Variants in PRKACA observed in about 807,000 individuals in gnomAD.
The protein encoded by PRKACA is protein kinase cAMP-activated catalytic subunit alpha, also known as cAMP-dependent protein kinase catalytic subunit alpha.
PRKACA carries 9 observed loss-of-function variants against 45.8 expected under a neutral mutation model. The ratio of observed to expected loss-of-function variants is 0.20; its 90% CI spans 0.12 to 0.34. PRKACA has a LOEUF of 0.34. Ranked by LOEUF, PRKACA falls within the 10% of genes least tolerant of loss-of-function variation. The pLI is 1.00. For synonymous variants in PRKACA, 160 were observed against 178.6 expected (o/e 0.90, Z 0.83); for missense variants, 238 against 458.6 (o/e 0.52, Z 4.39).
intron 8 of PRKACA, among the ~76,000 whole-genome samples, chr19:14,096,032 G>GTTTTT (rs60082323): frequency 1.8e-4 from 17 of 92,584 alleles, no homozygotes; most frequent in Non-Finnish European, 2.5e-4. Context: ...CTAATTTTTA[G>GTTTTT]TTTTTTTTTT....
rs537245573 is a variant in PRKACA at position 14,096,931 on chromosome 19, A to G, written c.765+430T>C. 4.1e-5 allele frequency: 12 copies of G among 294,544 alleles called. No individual in the cohort carries two copies. The East Asian group carries it at 5.5e-4, about 14-fold the overall frequency. The allele number at this position is 294,544 out of a possible 1,614,324, so 18.2% of individuals were successfully genotyped here. ...AGAGTTAGGCAAGTCTGGGTTTGGG[A>G]GAGGAAGCATGGGCTATAAATGCTA... is the stretch of plus-strand genomic sequence containing the variant. On this transcript the variant is annotated intron_variant, in intron 8 of 9. Coordinates refer to ENST00000308677, the MANE Select transcript of PRKACA (RefSeq NM_002730.4).
chr19:14,111,096 G>A (rs1374707620), intron 1 of PRKACA, among the ~76,000 whole-genome samples: 1 of 152,230 alleles, frequency 6.6e-6, no homozygotes, highest in African/African-American at 2.4e-5. Flanking sequence ...CCCTCATGGA[G>A]CTAGAAAGTG....
intron 5 of PRKACA, among the ~76,000 whole-genome samples, chr19:14,099,589 C>CT (rs1201287283): frequency 0.012 from 1,583 of 132,592 alleles, 37 homozygotes; most frequent in Admixed American, 0.063. Context: ...CCACACCTGA[C>CT]TTTTTTTTTT....
At chr19:14,100,703 G>T in intron 5 of PRKACA, 123 bp downstream of exon 5, 2 of 912,884 alleles carry the variant, frequency 2.2e-6, no homozygotes, top group Non-Finnish European at 3.5e-6. Flanking sequence ...AACCCACAGG[G>T]TCTGGGAGAC....
intron 2 of PRKACA, 23 bp from the exon 3 acceptor site, chr19:14,106,911 G>C: frequency 6.2e-7 from 1 of 1,613,664 alleles, no homozygotes; most frequent in African/African-American, 1.3e-5. Context: ...GGGTCGGTAG[G>C]CTCAGGGCAC....
At position 14,093,812 on chromosome 19, in the gene PRKACA, G is replaced by T; in HGVS notation, c.766-20C>A. The T allele has an allele frequency of 1.2e-6, 2 of 1,602,482 alleles. No homozygotes were observed. The highest frequency in any genetic ancestry group is 1.7e-6 in the Non-Finnish European group (2 of 1,174,640). ...GCGCACCTGGAGGAAGGGGTACAAGGACAGGGTGGGAAGCTGGTCTGGAAC... is the reference window on the plus strand; with the variant it reads ...GCGCACCTGGAGGAAGGGGTACAAGTACAGGGTGGGAAGCTGGTCTGGAAC... On this transcript the variant is annotated intron_variant, in intron 8 of 9. Coordinates refer to ENST00000308677, the MANE Select transcript of PRKACA (RefSeq NM_002730.4).
chr19:14,107,306 A>C (rs1215485069), intron 2 of PRKACA, 42 bp downstream of exon 2: 1 of 1,578,806 alleles, frequency 6.3e-7, no homozygotes, highest in Admixed American at 1.7e-5. Flanking sequence ...GCTGGGGGTT[A>C]GCAGCTCACC....
chr19:14,092,468 C>G lies in PRKACA; in HGVS notation c.*644G>C, dbSNP rs1977106819. ...CTCCCTTTCCAAAGTCAGTCTGCTTCTCTTTAAAATGGATTTGAGGAATGG... is the reference window on the plus strand; with the variant it reads ...CTCCCTTTCCAAAGTCAGTCTGCTTGTCTTTAAAATGGATTTGAGGAATGG... On this transcript the variant is annotated 3_prime_UTR_variant, in exon 10 of 10. Transcript: ENST00000308677. 5.1e-6 allele frequency: 2 copies of G among 393,626 alleles called. No individual in the cohort carries two copies. The highest frequency in any genetic ancestry group is 8.9e-6 in the Non-Finnish European group (2 of 224,104). 24.4% of individuals were successfully genotyped at this position (393,626 alleles called of 1,614,324 possible).
chr19:14,093,041 A>ACGCCCC lies in PRKACA; in HGVS notation c.*70_*71insGGGGCG. 1 of 500,030 alleles carries ACGCCCC rather than the reference A, an allele frequency of 2.0e-6. No homozygotes were observed. Among genetic ancestry groups the ACGCCCC allele is most frequent in the Non-Finnish European group, 3.6e-6 (1 of 278,314 alleles). 31.0% of individuals were successfully genotyped at this position (500,030 alleles called of 1,614,324 possible). On this transcript the variant is annotated 3_prime_UTR_variant, in exon 10 of 10. Transcript: ENST00000308677. ...CTGGGGCCCTCTGGCTGTTCAATCC[A>ACGCCCC]ACCCTCCCACCCCCCCGACCAAAAA...
intron 5 of PRKACA, among the ~76,000 whole-genome samples, chr19:14,100,156 TA>T (rs1977402422): frequency 6.6e-6 from 1 of 150,914 alleles, no homozygotes; most frequent in African/African-American, 2.5e-5. Context: ...TTTTTTTTTT[TA>T]AAAGAGACAA....
At chr19:14,099,898 C>T (rs1042364431) in intron 5 of PRKACA, among the ~76,000 whole-genome samples, 1 of 151,940 alleles carries the variant, frequency 6.6e-6, no homozygotes, top group African/African-American at 2.4e-5. Flanking sequence ...GCTGGAAGTG[C>T]AGTGGCGCGA....
chr19:14,100,897 G>A lies in PRKACA; in HGVS notation c.348C>T (p.Asn116=). 6.2e-7 allele frequency: 1 copy of A among 1,613,962 alleles called. No homozygotes were observed. The highest frequency in any genetic ancestry group is 8.5e-7 in the Non-Finnish European group (1 of 1,179,866). Residue 116 remains asparagine, a synonymous_variant, in exon 5 of 10, where the codon AAC becomes AAT. Transcript: ENST00000308677. The stretch of plus-strand genomic sequence containing the variant: ...GCACGTACTCCATGACCATGTATAA[G>A]TTTGAGTTGTCCTGTGGGAAGCAGT... The part of the protein sequence containing the change: ...KLEFSFKDNS[N]LYMVMEYVPG...
intron 1 of PRKACA, among the ~76,000 whole-genome samples, chr19:14,108,814 G>T (rs865786746): frequency 1.3e-5 from 2 of 149,986 alleles, no homozygotes; most frequent in East Asian, 4.0e-4. Flanking sequence ...TGCAACCTCC[G>T]CCTCCCAGGT....
chr19:14,099,057 C>CGG (rs552897781), intron 5 of PRKACA, among the ~76,000 whole-genome samples: 7 of 150,644 alleles, frequency 4.6e-5, no homozygotes, highest in African/African-American at 1.5e-4. Context: ...GAGGCCAAGG[C>CGG]GGGGGGGGCG....
chr19:14,104,636 C>T lies in PRKACA; in HGVS notation c.238-1722G>A, dbSNP rs574849158. ...GCGTGAACCCGGGAGGCAGAGGTTGCAGTGAGCCAAGATCGTGCCACTGCA... is the reference window on the plus strand; with the variant it reads ...GCGTGAACCCGGGAGGCAGAGGTTGTAGTGAGCCAAGATCGTGCCACTGCA... On this transcript the variant is annotated intron_variant, in intron 3 of 9. Coordinates refer to ENST00000308677, the MANE Select transcript of PRKACA (RefSeq NM_002730.4). Among the ~76,000 whole-genome samples the T allele has an allele frequency of 9.0e-5, 13 of 144,828 alleles. No individual in the cohort carries two copies. In the East Asian group the frequency reaches 1.4e-3, roughly 16 times the overall value.
At chr19:14,102,785 G>A (rs1274264103) in intron 4 of PRKACA, 31 bp downstream of exon 4, 2 of 1,579,066 alleles carry the variant, frequency 1.3e-6, no homozygotes, top group South Asian at 2.2e-5. Context: ...CCAATGCAGT[G>A]ACCCCCCGCC....
rs1225140967 is a variant in PRKACA at position 14,093,050 on chromosome 19, A to AC, written c.*61dup. On this transcript the variant is annotated 3_prime_UTR_variant, in exon 10 of 10. Coordinates refer to ENST00000308677, the MANE Select transcript of PRKACA (RefSeq NM_002730.4). ...TCTGGCTGTTCAATCCAACCCTCCC[A>AC]CCCCCCCGACCAAAAAAAAGAAAAA... The AC allele has an allele frequency of 2.8e-4, 25 of 87,812 alleles. No homozygotes were observed. Among genetic ancestry groups the AC allele is most frequent in the East Asian group, 6.9e-4 (2 of 2,890 alleles). 5.4% of individuals were successfully genotyped at this position (87,812 alleles called of 1,614,324 possible).
Position 14,097,669 on chromosome 19 carries a change from T to C in PRKACA, c.552A>G (p.Thr184=). 6.2e-7 allele frequency: 1 copy of C among 1,609,658 alleles called. No homozygotes were observed. The highest frequency in any genetic ancestry group is 8.5e-7 in the Non-Finnish European group (1 of 1,176,880). Residue 184 remains threonine (T), a synonymous_variant, in exon 7 of 10, where the codon ACA becomes ACG. Coordinates refer to ENST00000308677, the MANE Select transcript of PRKACA (RefSeq NM_002730.4). The surrounding 1 kb of genome is among the most constrained non-coding windows in gnomAD (Gnocchi z 5.4). ...LIDQQGYIQV[T]DFGFAKRVKG... is the part of the protein sequence containing the mutation. ...TCACGCGCTTGGCGAAACCGAAGTC[T>C]GTCACCTGTGGGCACAAGAACAGGC... is the stretch of plus-strand genomic sequence containing the variant.
chr19:14,113,028 C>A (rs1967014002), intron 1 of PRKACA, among the ~76,000 whole-genome samples: 2 of 152,206 alleles, frequency 1.3e-5, no homozygotes, highest in Non-Finnish European at 2.9e-5. Flanking sequence ...GTGGAACCCC[C>A]AAATCCTGCT....
Sources: gnomAD v4.1 joint callset for allele counts (sites outside exome capture counted in the v4.1 genomes callset) on GRCh38, gnomAD v4.1.1 for gene constraint, Gnocchi (gnomAD v3.1) non-coding constraint, MANE v1.5 for transcripts, NCBI Gene and HGNC (gene_info 2026-07-23, HGNC 2026-07-21) for gene names.